Variants in LRRTM4 observed in about 807,000 individuals in gnomAD.
LRRTM4 encodes leucine rich repeat transmembrane neuronal 4, also known as leucine-rich repeat transmembrane neuronal protein 4.
LRRTM4 carries 25 observed loss-of-function variants against 47.6 expected under a neutral mutation model. The observed-to-expected ratio is 0.53, with a 90% confidence interval of 0.38 to 0.73. The LOEUF (loss-of-function observed/expected upper bound fraction) is 0.73, where lower values mean the gene tolerates loss of function less well. LRRTM4 is among the 30% of genes least tolerant of loss of function. The probability of loss-of-function intolerance (pLI) is 0.00; values close to 1 mark genes in which losing one functional copy is unlikely to be tolerated. For synonymous variants in LRRTM4, 311 were observed against 269.5 expected (o/e 1.15, Z -1.51); for missense variants, 638 against 713.4 (o/e 0.89, Z 1.20).
intron 3 of LRRTM4, among the ~76,000 whole-genome samples, chr2:76,909,528 A>G (rs1193220316): frequency 6.6e-6 from 1 of 152,066 alleles, no homozygotes; most frequent in Non-Finnish European, 1.5e-5. Context: ...TCTGCACAGC[A>G]AAAGAAACTA....
intron 3 of LRRTM4, among the ~76,000 whole-genome samples, chr2:76,873,512 A>ATATGTGTGTG: frequency 6.9e-6 from 1 of 145,006 alleles, no homozygotes; most frequent in African/African-American, 2.5e-5. Context: ...GTGTGTATAT[A>ATATGTGTGTG]TATATATATA....
chr2:77,519,589 G>A lies in LRRTM4; in HGVS notation c.280C>T (p.His94Tyr), dbSNP rs746369994. Residue 94 changes from histidine (H) to tyrosine (Y), a missense_variant, in exon 3 of 4, where the codon CAT (histidine) becomes TAT (tyrosine). Transcript: ENST00000409884. The surrounding 1 kb of genome is among the most constrained non-coding windows in gnomAD (Gnocchi z 4.6). The stretch of plus-strand genomic sequence containing the variant: ...TCATCCACTGAGCTAATGTAATTAT[G>A]GTCAAGATAAAGCCATATAAGCTGG... ...LNQLIWLYLD[H>Y]NYISSVDEDA... 2 of 1,613,318 alleles carry A rather than the reference G, an allele frequency of 1.2e-6. No homozygotes were observed. The highest frequency in any genetic ancestry group is 1.1e-5 in the South Asian group (1 of 91,082).
chr2:77,173,618 C>T (rs1361947592), intron 3 of LRRTM4, among the ~76,000 whole-genome samples: 1 of 152,118 alleles, frequency 6.6e-6, no homozygotes, highest in East Asian at 1.9e-4. Flanking sequence ...TGACATATTG[C>T]CACCTTCTTC....
intron 3 of LRRTM4, among the ~76,000 whole-genome samples, chr2:77,480,659 G>T (rs1029325854): frequency 2.6e-5 from 4 of 151,970 alleles, no homozygotes; most frequent in Non-Finnish European, 2.9e-5. Context: ...GCAGCAGGGG[G>T]TAAAAAAGAA....
intron 3 of LRRTM4, among the ~76,000 whole-genome samples, chr2:77,045,706 C>T (rs958948816): frequency 2.0e-5 from 3 of 151,940 alleles, no homozygotes; most frequent in Admixed American, 6.6e-5. Flanking sequence ...TTGCCTTCCA[C>T]CATGATTGTG....
At chr2:76,768,607 A>G (rs1176211161) in intron 3 of LRRTM4, among the ~76,000 whole-genome samples, 1 of 152,162 alleles carries the variant, frequency 6.6e-6, no homozygotes, top group African/African-American at 2.4e-5. Context: ...TTATATATGG[A>G]AAGAGTTAGG....
At chr2:77,050,343 C>A (rs181966340) in intron 3 of LRRTM4, among the ~76,000 whole-genome samples, 2 of 152,058 alleles carry the variant, frequency 1.3e-5, no homozygotes, top group Admixed American at 6.6e-5. Flanking sequence ...ATTCTCTACT[C>A]GAGGCCTAAT....
At chr2:77,225,924 ATAGT>A (rs1466645545) in intron 3 of LRRTM4, among the ~76,000 whole-genome samples, 5 of 152,146 alleles carry the variant, frequency 3.3e-5, no homozygotes, top group African/African-American at 1.2e-4. Context: ...TTGAAAATAA[ATAGT>A]TAAGTAGCTA....
chr2:76,910,355 G>A (rs904019035), intron 3 of LRRTM4, among the ~76,000 whole-genome samples: 5 of 123,306 alleles, frequency 4.1e-5, no homozygotes, highest in Non-Finnish European at 8.3e-5. Flanking sequence ...GTGGGGTGGG[G>A]GGAGGGTGGA....
rs558910195 is a variant in LRRTM4 at position 76,767,309 on chromosome 2, T to A, written c.1552-18393A>T. Among the ~76,000 whole-genome samples, 5 of 152,336 alleles carry A rather than the reference T, an allele frequency of 3.3e-5. No individual in the cohort carries two copies. In the East Asian group the frequency reaches 7.7e-4, roughly 24 times the overall value. ...GACAAACTTCTTTCATCTGTACTAA[T>A]TGCTAACATTTATTGAGTGATGTCT... On this transcript the variant is annotated intron_variant, in intron 3 of 3. Transcript: ENST00000409884.
intron 3 of LRRTM4, among the ~76,000 whole-genome samples, chr2:76,896,769 C>T (rs1350806502): frequency 5.4e-5 from 8 of 149,330 alleles, no homozygotes; most frequent in Non-Finnish European, 1.2e-4. Flanking sequence ...TCTGATTGCA[C>T]TGTCTTAAGG....
chr2:76,987,648 T>G (rs917036790), intron 3 of LRRTM4, among the ~76,000 whole-genome samples: 27 of 151,902 alleles, frequency 1.8e-4, no homozygotes, highest in Non-Finnish European at 3.4e-4. Flanking sequence ...GTCAGAAAAA[T>G]GAGAGATAAA....
At chr2:77,069,770 T>C (rs1463001104) in intron 3 of LRRTM4, among the ~76,000 whole-genome samples, 1 of 152,218 alleles carries the variant, frequency 6.6e-6, no homozygotes, top group African/African-American at 2.4e-5. Context: ...GGTGGCTTTC[T>C]AGATTCTCTG....
intron 3 of LRRTM4, among the ~76,000 whole-genome samples, chr2:76,756,825 C>T (rs1031826053): frequency 9.9e-5 from 15 of 152,106 alleles, no homozygotes; most frequent in African/African-American, 3.4e-4. Flanking sequence ...ACGAGGAAGG[C>T]AAGATTTACT....
At chr2:77,316,930 G>T (rs1303801332) in intron 3 of LRRTM4, among the ~76,000 whole-genome samples, 1 of 152,154 alleles carries the variant, frequency 6.6e-6, no homozygotes, top group African/African-American at 2.4e-5. Context: ...TTTTAGATAA[G>T]AAATAGTTGA....
At chr2:77,353,638 C>G (rs1671864919) in intron 3 of LRRTM4, among the ~76,000 whole-genome samples, 2 of 152,020 alleles carry the variant, frequency 1.3e-5, no homozygotes, top group African/African-American at 4.8e-5. Context: ...ATTTTATAAT[C>G]CTTTTTTACC....
At chr2:77,047,054 G>A (rs1014351338) in intron 3 of LRRTM4, among the ~76,000 whole-genome samples, 1 of 152,010 alleles carries the variant, frequency 6.6e-6, no homozygotes, top group African/African-American at 2.4e-5. Context: ...TACTGGTTCA[G>A]AAACATGTTA....
At chr2:77,339,859 A>G (rs577300170) in intron 3 of LRRTM4, among the ~76,000 whole-genome samples, 32 of 152,070 alleles carry the variant, frequency 2.1e-4, no homozygotes, top group Admixed American at 2.0e-4. Context: ...GCGTACTTTT[A>G]TCCCTCACAC....
chr2:77,228,501 G>A (rs1420126165), intron 3 of LRRTM4, among the ~76,000 whole-genome samples: 1 of 152,154 alleles, frequency 6.6e-6, no homozygotes, highest in African/African-American at 2.4e-5. Flanking sequence ...CAGCCTTCTT[G>A]ATCATGCCAG....
Sources: gnomAD v4.1 joint callset for allele counts (sites outside exome capture counted in the v4.1 genomes callset) on GRCh38, gnomAD v4.1.1 for gene constraint, Gnocchi (gnomAD v3.1) non-coding constraint, MANE v1.5 for transcripts, NCBI Gene and HGNC (gene_info 2026-07-23, HGNC 2026-07-21) for gene names.